NPEPPS: variants seen among roughly 807,000 people sequenced by gnomAD.
NPEPPS encodes the protein aminopeptidase puromycin sensitive.
NPEPPS carries 14 observed loss-of-function variants against 115.5 expected under a neutral mutation model. The ratio of observed to expected loss-of-function variants is 0.12; its 90% confidence interval spans 0.08 to 0.19. The LOEUF (loss-of-function observed/expected upper bound fraction) is 0.19, where lower values mean the gene tolerates loss of function less well. Among genes scored for constraint, NPEPPS ranks in the 10% least tolerant of loss-of-function variants. NPEPPS has a pLI of 1.00. For synonymous variants in NPEPPS, 285 were observed against 390.6 expected (o/e 0.73, Z 3.19); for missense variants, 523 against 1,110.8 (o/e 0.47, Z 7.52).
chr17:47,539,183 G>T (rs1908571405), intron 1 of NPEPPS, among the ~76,000 whole-genome samples: 1 of 150,314 alleles, frequency 6.7e-6, no homozygotes, highest in South Asian at 2.1e-4. Flanking sequence ...GGTAAATGTG[G>T]TCTTGAGTAG....
chr17:47,547,750 G>T (rs946991876), intron 2 of NPEPPS, among the ~76,000 whole-genome samples: 1 of 152,114 alleles, frequency 6.6e-6, no homozygotes, highest in African/African-American at 2.4e-5. Flanking sequence ...TTTACGGCCG[G>T]GCGCGGTGGC....
At chr17:47,584,902 A>G (rs189630522) in intron 5 of NPEPPS, among the ~76,000 whole-genome samples, 1 of 152,282 alleles carries the variant, frequency 6.6e-6, no homozygotes, top group Admixed American at 6.5e-5. Flanking sequence ...ATCCCAGCTC[A>G]CTGCAAGCTC....
In NPEPPS at chr17:47,611,436, G is replaced by A. The variant is rs1289769110; in HGVS notation, c.2096-1024G>A. Among the ~76,000 whole-genome samples, 6 of 147,110 alleles carry A rather than the reference G, an allele frequency of 4.1e-5. No individual in the cohort carries two copies. In the East Asian group the frequency reaches 1.3e-3, roughly 31 times the overall value. On this transcript the variant is annotated intron_variant, in intron 17 of 22. Transcript: ENST00000322157. The stretch of plus-strand genomic sequence containing the variant: ...ATCATGCCACTGTACTCCAGCTTGG[G>A]CAACAGAGCGAGACCACATCTCAAA...
At chr17:47,582,441 T>G (rs193069702) in intron 4 of NPEPPS, 3 of 357,942 alleles carry the variant, frequency 8.4e-6, no homozygotes, top group Non-Finnish European at 1.6e-5. Context: ...CATTATTGAT[T>G]TGAAGGCATT....
chr17:47,611,446 G>A (rs1199509824), intron 17 of NPEPPS, among the ~76,000 whole-genome samples: 5 of 140,706 alleles, frequency 3.6e-5, no homozygotes, highest in South Asian at 2.4e-4. Flanking sequence ...GCAACAGAGC[G>A]AGACCACATC....
chr17:47,576,186 T>C (rs1233413395), intron 3 of NPEPPS, among the ~76,000 whole-genome samples: 1 of 152,172 alleles, frequency 6.6e-6, no homozygotes, highest in Non-Finnish European at 1.5e-5. Flanking sequence ...CCATAATTAT[T>C]GTAAGGTCTA....
chr17:47,616,399 T>G (rs1914200164), intron 19 of NPEPPS, among the ~76,000 whole-genome samples: 1 of 150,528 alleles, frequency 6.6e-6, no homozygotes, highest in Non-Finnish European at 1.5e-5. Context: ...AATAGAAAAA[T>G]TAGGCCAGGC....
chr17:47,599,424 A>G (rs911149179), intron 13 of NPEPPS, among the ~76,000 whole-genome samples: 4 of 152,250 alleles, frequency 2.6e-5, no homozygotes, highest in African/African-American at 9.6e-5. Flanking sequence ...AATGACACAA[A>G]TGACTGCATA....
intron 17 of NPEPPS, among the ~76,000 whole-genome samples, chr17:47,611,895 C>T (rs901806765): frequency 1.3e-5 from 2 of 152,148 alleles, no homozygotes; most frequent in Admixed American, 6.5e-5. Flanking sequence ...CTAACACTTG[C>T]TATTATCTTT....
chr17:47,573,897 GTT>G, intron 3 of NPEPPS, among the ~76,000 whole-genome samples: 1 of 152,162 alleles, frequency 6.6e-6, no homozygotes, highest in Non-Finnish European at 1.5e-5. Context: ...AAATTTTAGA[GTT>G]TTAAATCTAT....
chr17:47,594,908 A>G (rs1269636792), intron 12 of NPEPPS, among the ~76,000 whole-genome samples: 1 of 148,928 alleles, frequency 6.7e-6, no homozygotes, highest in Non-Finnish European at 1.5e-5. Flanking sequence ...CTGGGATTAC[A>G]GGCGTGAGCC....
chr17:47,619,883 C>CG, intron 22 of NPEPPS, 99 bp downstream of exon 22: 1 of 990,938 alleles, frequency 1.0e-6, no homozygotes, highest in South Asian at 1.3e-5. Context: ...TGTAGCATCT[C>CG]TGTGTTTTTG....
At chr17:47,589,032 C>G (rs1912352824) in intron 9 of NPEPPS, among the ~76,000 whole-genome samples, 1 of 152,210 alleles carries the variant, frequency 6.6e-6, no homozygotes, top group African/African-American at 2.4e-5. Flanking sequence ...CCTCCTGTCT[C>G]TGCCTCCTGA....
At chr17:47,595,025 G>A (rs987000500) in intron 12 of NPEPPS, among the ~76,000 whole-genome samples, 1 of 151,984 alleles carries the variant, frequency 6.6e-6, no homozygotes, top group African/African-American at 2.4e-5. Flanking sequence ...CCGCCTCCTG[G>A]GTTCAAGTGA....
intron 1 of NPEPPS, among the ~76,000 whole-genome samples, chr17:47,538,415 T>TG (rs920190197): frequency 6.6e-6 from 1 of 150,850 alleles, no homozygotes; most frequent in African/African-American, 2.4e-5. Flanking sequence ...GGTTTCGCCA[T>TG]GTTAGCTAGG....
intron 17 of NPEPPS, among the ~76,000 whole-genome samples, chr17:47,609,592 TATGATTTAAGTGTAGCAAAATGAATA>T (rs1357015759): frequency 2.0e-5 from 3 of 152,216 alleles, no homozygotes; most frequent in African/African-American, 7.2e-5. Flanking sequence ...TTGGTTAAAT[TATGATTTAAGTGTAGCAAAATGAATA>T]ATCTAAATGT....
intron 2 of NPEPPS, among the ~76,000 whole-genome samples, chr17:47,547,798 G>A (rs1309847635): frequency 6.6e-6 from 1 of 152,108 alleles, no homozygotes; most frequent in Non-Finnish European, 1.5e-5. Context: ...AGGCCGAGGC[G>A]GGTGGATCAC....
At chr17:47,525,276 G>A (rs1205785233) in intron 1 of NPEPPS, among the ~76,000 whole-genome samples, 5 of 152,142 alleles carry the variant, frequency 3.3e-5, no homozygotes, top group Admixed American at 3.3e-4. Flanking sequence ...GGCCATGTAA[G>A]GTTCTCTTCT....
intron 16 of NPEPPS, among the ~76,000 whole-genome samples, chr17:47,604,647 G>A (rs1913411113): frequency 6.6e-6 from 1 of 152,160 alleles, no homozygotes; most frequent in South Asian, 2.1e-4. Context: ...CCTCCCCTCT[G>A]CAGTCATTGG....
Sources: allele counts gnomAD v4.1 joint callset (sites outside exome capture counted in the v4.1 genomes callset), GRCh38; gene constraint gnomAD v4.1.1; transcripts MANE v1.5; gene names NCBI Gene and HGNC (gene_info 2026-07-23, HGNC 2026-07-21).